PCMTD1: variants seen among roughly 807,000 people sequenced by gnomAD.
PCMTD1 encodes the protein protein-L-isoaspartate (D-aspartate) O-methyltransferase domain containing 1.
PCMTD1 carries 12 observed loss-of-function variants against 37.6 expected under a neutral mutation model. The ratio of observed to expected loss-of-function variants is 0.32; its 90% CI spans 0.20 to 0.52. The LOEUF (loss-of-function observed/expected upper bound fraction) is 0.52. PCMTD1 is among the 20% of genes least tolerant of loss of function. PCMTD1 has a pLI of 0.97. For synonymous variants in PCMTD1, 117 were observed against 135.8 expected (o/e 0.86, Z 0.96); for missense variants, 235 against 421.3 (o/e 0.56, Z 3.87).
intron 1 of PCMTD1, among the ~76,000 whole-genome samples, chr8:51,872,939 A>G (rs1330991264): frequency 6.6e-6 from 1 of 152,220 alleles, no homozygotes; most frequent in East Asian, 1.9e-4. Context: ...AATTCAAATT[A>G]TCTCAATGAT....
At chr8:51,887,304 T>C (rs1223474097) in intron 1 of PCMTD1, among the ~76,000 whole-genome samples, 1 of 152,158 alleles carries the variant, frequency 6.6e-6, no homozygotes, top group Admixed American at 6.6e-5. Context: ...TTCAGGGTAA[T>C]GCTGTTCCAT....
intron 2 of PCMTD1, among the ~76,000 whole-genome samples, chr8:51,848,742 GACAA>G (rs1563345164): frequency 6.6e-6 from 1 of 152,010 alleles, no homozygotes; most frequent in African/African-American, 2.4e-5. Context: ...TAAAGAATTT[GACAA>G]ACAATATAAA....
At chr8:51,850,639 A>C (rs1188093531) in intron 2 of PCMTD1, among the ~76,000 whole-genome samples, 2 of 152,230 alleles carry the variant, frequency 1.3e-5, no homozygotes, top group African/African-American at 2.4e-5. Context: ...TAACATCAAG[A>C]GTTAACAGCT....
Position 51,825,626 on chromosome 8 carries a change from G to A in PCMTD1, c.707-4908C>T, listed in dbSNP as rs1254553980. ...GGAGAATGGCGTGAACCCAGGAAGC[G>A]GAGCTTGCAGTGAGCCGAGATTGCG... On this transcript the variant is annotated intron_variant, in intron 5 of 5. Coordinates refer to ENST00000522514, the MANE Select transcript of PCMTD1 (RefSeq NM_052937.4). Among the ~76,000 whole-genome samples, 10 of 32,614 alleles carry A rather than the reference G, an allele frequency of 3.1e-4. 2 individuals are homozygous for A. The highest frequency in any genetic ancestry group is 2.7e-3 in the South Asian group (1 of 374). The allele number at this position is 32,614 out of a possible 152,430, so 21.4% of individuals were successfully genotyped here.
At chr8:51,891,021 T>TC (rs2038928459) in intron 1 of PCMTD1, among the ~76,000 whole-genome samples, 1 of 152,232 alleles carries the variant, frequency 6.6e-6, no homozygotes. Flanking sequence ...AACCTGTTTC[T>TC]CCTTTTCTTT....
chr8:51,866,821 A>C (rs1398642879), intron 1 of PCMTD1, among the ~76,000 whole-genome samples: 3 of 152,022 alleles, frequency 2.0e-5, no homozygotes, highest in Non-Finnish European at 4.4e-5. Context: ...GTAAAGCTTT[A>C]CTAATTGTTT....
intron 1 of PCMTD1, among the ~76,000 whole-genome samples, chr8:51,897,986 C>A (rs1216626793): frequency 1.3e-5 from 2 of 151,928 alleles, no homozygotes; most frequent in Non-Finnish European, 2.9e-5. Context: ...TGGAGACTGG[C>A]TACCCTGGGT....
At chr8:51,821,482 T>A (rs996320410) in intron 5 of PCMTD1, among the ~76,000 whole-genome samples, 1 of 152,124 alleles carries the variant, frequency 6.6e-6, no homozygotes, top group Non-Finnish European at 1.5e-5. Flanking sequence ...GCTCTGCCCA[T>A]CTTCCAAAAT....
At chr8:51,840,923 C>T (rs1263614958) in intron 3 of PCMTD1, among the ~76,000 whole-genome samples, 1 of 152,112 alleles carries the variant, frequency 6.6e-6, no homozygotes, top group Non-Finnish European at 1.5e-5. Flanking sequence ...AGTGCATTAA[C>T]AGCATTCCTT....
intron 1 of PCMTD1, among the ~76,000 whole-genome samples, chr8:51,865,194 T>G (rs951145945): frequency 6.6e-6 from 1 of 151,980 alleles, no homozygotes; most frequent in Non-Finnish European, 1.5e-5. Context: ...TTAAGAAATC[T>G]CCCATCAAAG....
At chr8:51,850,630 A>G (rs947343049) in intron 2 of PCMTD1, among the ~76,000 whole-genome samples, 1 of 152,204 alleles carries the variant, frequency 6.6e-6, no homozygotes, top group Non-Finnish European at 1.5e-5. Flanking sequence ...ATAGTAAAGT[A>G]ACATCAAGAG....
chr8:51,899,143 C>G (rs1484420319), upstream of PCMTD1: 3 of 1,356,484 alleles, frequency 2.2e-6, no homozygotes, highest in Non-Finnish European at 2.8e-6. Context: ...GGGGCAGCTC[C>G]CCGCGGACGC....
chr8:51,895,573 A>G (rs2038987995), intron 1 of PCMTD1, among the ~76,000 whole-genome samples: 1 of 152,232 alleles, frequency 6.6e-6, no homozygotes, highest in Non-Finnish European at 1.5e-5. Context: ...TAAACTGGAA[A>G]ATATGCTATG....
intron 1 of PCMTD1, among the ~76,000 whole-genome samples, chr8:51,882,424 A>G (rs1252736852): frequency 6.6e-6 from 1 of 151,716 alleles, no homozygotes; most frequent in Non-Finnish European, 1.5e-5. Flanking sequence ...GGGGACATGA[A>G]CATTCAATTC....
chr8:51,821,296 A>G (rs946763444), intron 5 of PCMTD1, among the ~76,000 whole-genome samples: 9 of 151,794 alleles, frequency 5.9e-5, no homozygotes, highest in South Asian at 4.2e-4. Context: ...ACGCCAGCAC[A>G]CCTGGATAAT....
At chr8:51,848,437 A>C (rs1400738667) in intron 2 of PCMTD1, among the ~76,000 whole-genome samples, 2 of 152,186 alleles carry the variant, frequency 1.3e-5, no homozygotes, top group East Asian at 1.9e-4. Context: ...GAATATATAA[A>C]TATAATAACA....
chr8:51,872,812 G>T (rs1248213019), intron 1 of PCMTD1, among the ~76,000 whole-genome samples: 1 of 152,092 alleles, frequency 6.6e-6, no homozygotes, highest in Non-Finnish European at 1.5e-5. Flanking sequence ...CATATCAAAT[G>T]TACTCTTTCC....
rs190804704 is a variant in PCMTD1, at chr8:51,874,313, G to C, written c.-95-13067C>G. On this transcript the variant is annotated intron_variant, in intron 1 of 5. Transcript: ENST00000522514. Reference sequence around the variant, plus strand: ...TGAAAGCTTTTTAAACTACAGTTCAGAACTTCCCCCACCACCCCACCCATC... The same window carrying C: ...TGAAAGCTTTTTAAACTACAGTTCACAACTTCCCCCACCACCCCACCCATC... Among the ~76,000 whole-genome samples, 87 of 152,178 alleles carry C rather than the reference G, an allele frequency of 5.7e-4. 1 individual carries two copies. In the East Asian group the frequency reaches 0.01, roughly 18 times the overall value.
At chr8:51,833,154 T>C (rs2129276317) in intron 4 of PCMTD1, among the ~76,000 whole-genome samples, 1 of 152,288 alleles carries the variant, frequency 6.6e-6, no homozygotes, top group South Asian at 2.1e-4. Flanking sequence ...TAGGATTTCC[T>C]TTCAGTATGT....
Sources: gnomAD v4.1 joint callset for allele counts (sites outside exome capture counted in the v4.1 genomes callset) on GRCh38, gnomAD v4.1.1 for gene constraint, MANE v1.5 for transcripts, NCBI Gene and HGNC (gene_info 2026-07-23, HGNC 2026-07-21) for gene names.